Variants in GRID1 observed in about 807,000 individuals in gnomAD.
GRID1 encodes glutamate receptor ionotropic, delta-1.
Under a neutral mutation model 98.0 loss-of-function variants are expected in GRID1, and 28 were observed. The observed-to-expected ratio is 0.29, with a 90% CI of 0.21 to 0.39. The LOEUF (loss-of-function observed/expected upper bound fraction) is 0.39. Among genes scored for constraint, GRID1 ranks in the 10% least tolerant of loss-of-function variants. The pLI is 1.00. For synonymous variants in GRID1, 553 were observed against 538.5 expected, an observed-to-expected ratio of 1.03 and a Z score of -0.37; for missense variants, 1,111 against 1,340.5, an observed-to-expected ratio of 0.83 and a Z score of 2.67.
At chr10:85,664,155 T>C (rs6585975) in intron 12 of GRID1, among the ~76,000 whole-genome samples, 6,849 of 152,210 alleles carry the variant, frequency 0.045, 467 homozygotes, top group African/African-American at 0.15. Flanking sequence ...CAGAGGATCA[T>C]AACCTCCTTG....
intron 5 of GRID1, among the ~76,000 whole-genome samples, chr10:85,901,438 CG>C (rs1279580142): frequency 6.6e-6 from 1 of 151,794 alleles, no homozygotes; most frequent in Non-Finnish European, 1.5e-5. Flanking sequence ...TTAGTAGAGA[CG>C]GGGTTTCACC....
chr10:86,007,898 AATGGCTCCAGGAC>A lies in GRID1; in HGVS notation c.727-91672_727-91660del, dbSNP rs970834392. 1.3e-4 allele frequency among the ~76,000 whole-genome samples: 20 copies of A among 151,872 alleles called. 1 individual carries two copies. Among genetic ancestry groups the A allele is most frequent in the African/African-American group, 4.8e-4 (20 of 41,398 alleles). ...ACAAAGAAGGGGAGAGAGATTCAAG[AATGGCTCCAGGAC>A]ATGTCCCTTTACTCTGCCAAGATCA... On this transcript the variant is annotated intron_variant, in intron 4 of 15. Coordinates refer to ENST00000327946, the MANE Select transcript of GRID1 (RefSeq NM_017551.3).
intron 2 of GRID1, among the ~76,000 whole-genome samples, chr10:86,278,242 G>T (rs1471951666): frequency 6.6e-6 from 1 of 152,124 alleles, no homozygotes; most frequent in Non-Finnish European, 1.5e-5. Context: ...AATCAAAAAA[G>T]AAGTGGGGTG....
At chr10:85,666,835 C>T (rs1413162630) in intron 12 of GRID1, among the ~76,000 whole-genome samples, 1 of 152,122 alleles carries the variant, frequency 6.6e-6, no homozygotes, top group Non-Finnish European at 1.5e-5. Flanking sequence ...CAGCTCACAT[C>T]AGGTGCAGGT....
chr10:86,357,174 C>A (rs1848544125), intron 2 of GRID1, among the ~76,000 whole-genome samples: 1 of 152,260 alleles, frequency 6.6e-6, no homozygotes, highest in South Asian at 2.1e-4. Flanking sequence ...ACTCTGGGTT[C>A]TTCTTTCTCA....
chr10:86,057,279 G>A (rs1173912897), intron 4 of GRID1, among the ~76,000 whole-genome samples: 1 of 152,224 alleles, frequency 6.6e-6, no homozygotes, highest in Non-Finnish European at 1.5e-5. Flanking sequence ...AGATTTCACA[G>A]AAGTCACCTA....
intron 12 of GRID1, among the ~76,000 whole-genome samples, chr10:85,719,884 G>A (rs1002042395): frequency 7.2e-5 from 11 of 152,104 alleles, no homozygotes; most frequent in African/African-American, 2.7e-4. Flanking sequence ...AGGATCTCTG[G>A]ATAGACAAAG....
At chr10:85,701,547 C>A (rs2132622938) in intron 12 of GRID1, among the ~76,000 whole-genome samples, 1 of 152,286 alleles carries the variant, frequency 6.6e-6, no homozygotes, top group Non-Finnish European at 1.5e-5. Context: ...ATTTATATCA[C>A]AGTCTCCACC....
chr10:85,922,013 C>T (rs962645425), intron 4 of GRID1, among the ~76,000 whole-genome samples: 4 of 152,180 alleles, frequency 2.6e-5, no homozygotes, highest in Non-Finnish European at 5.9e-5. Flanking sequence ...AATCTAGACT[C>T]GTATCTTGCA....
At chr10:86,076,643 G>A (rs868040446) in intron 4 of GRID1, among the ~76,000 whole-genome samples, 20 of 152,104 alleles carry the variant, frequency 1.3e-4, no homozygotes, top group African/African-American at 3.1e-4. Context: ...GCAGTCCTCC[G>A]GCCAAAATCT....
chr10:86,343,412 G>C (rs894612126), intron 2 of GRID1, among the ~76,000 whole-genome samples: 1 of 152,202 alleles, frequency 6.6e-6, no homozygotes, highest in African/African-American at 2.4e-5. Flanking sequence ...GGGCTTTACT[G>C]CCTGCCACCA....
chr10:86,259,690 G>A (rs775860650), intron 2 of GRID1, among the ~76,000 whole-genome samples: 3 of 152,236 alleles, frequency 2.0e-5, no homozygotes, highest in Non-Finnish European at 2.9e-5. Context: ...ACGCACATGC[G>A]TGTGCAAGTC....
At chr10:86,060,551 C>G (rs1221471131) in intron 4 of GRID1, among the ~76,000 whole-genome samples, 1 of 152,228 alleles carries the variant, frequency 6.6e-6, no homozygotes, top group Non-Finnish European at 1.5e-5. Flanking sequence ...GCACAAAAGT[C>G]ACAGCCAGGA....
intron 2 of GRID1, among the ~76,000 whole-genome samples, chr10:86,238,508 A>G (rs997656365): frequency 6.6e-6 from 1 of 152,020 alleles, no homozygotes; most frequent in African/African-American, 2.4e-5. Context: ...CATCTCTACT[A>G]AAAATACAAA....
At chr10:86,140,066 G>A (rs986395002) in intron 3 of GRID1, among the ~76,000 whole-genome samples, 7 of 152,194 alleles carry the variant, frequency 4.6e-5, no homozygotes, top group Admixed American at 6.5e-5. Flanking sequence ...TGTTTCTCCC[G>A]AACTTTCCAG....
At chr10:85,805,865 A>G (rs918312917) in intron 8 of GRID1, among the ~76,000 whole-genome samples, 14 of 151,942 alleles carry the variant, frequency 9.2e-5, no homozygotes, top group Non-Finnish European at 1.8e-4. Context: ...AAAACATAAA[A>G]CTATAAAATT....
chr10:86,351,296 T>G (rs1279553721), intron 2 of GRID1, among the ~76,000 whole-genome samples: 1 of 152,172 alleles, frequency 6.6e-6, no homozygotes, highest in Admixed American at 6.5e-5. Flanking sequence ...CAGGACTGAG[T>G]CAGGTACAGA....
At chr10:85,710,001 C>G (rs144859862) in intron 12 of GRID1, among the ~76,000 whole-genome samples, 1 of 152,008 alleles carries the variant, frequency 6.6e-6, no homozygotes, top group Non-Finnish European at 1.5e-5. Flanking sequence ...AATAAATAGA[C>G]ATCTTATGCT....
intron 8 of GRID1, among the ~76,000 whole-genome samples, chr10:85,786,754 C>G (rs1413709093): frequency 6.6e-6 from 1 of 152,208 alleles, no homozygotes; most frequent in Non-Finnish European, 1.5e-5. Flanking sequence ...CCCCACCCCC[C>G]GCCAGGACCC....
Sources: allele counts gnomAD v4.1 joint callset (sites outside exome capture counted in the v4.1 genomes callset), GRCh38; gene constraint gnomAD v4.1.1; transcripts MANE v1.5; gene names NCBI Gene and HGNC (gene_info 2026-07-23, HGNC 2026-07-21).